Variants in KHDRBS2 observed in about 807,000 individuals in gnomAD.
The protein encoded by KHDRBS2 is KH RNA binding domain containing, signal transduction associated 2.
In KHDRBS2, 26 loss-of-function variants were observed where a neutral mutation model predicts 44.3. That is an observed-to-expected ratio of 0.59 (90% CI 0.43 to 0.81). The LOEUF is 0.81. Among genes scored for constraint, KHDRBS2 ranks in the 40% least tolerant of loss-of-function variants. The pLI is 0.00. For synonymous variants in KHDRBS2, 194 were observed against 151.1 expected (o/e 1.28, Z -2.08); for missense variants, 476 against 433.1 (o/e 1.10, Z -0.88).
At chr6:61,649,240 G>C in the KHDRBS2 span, among the ~76,000 whole-genome samples, 1 of 152,146 alleles carries the variant, frequency 6.6e-6, no homozygotes, top group Non-Finnish European at 1.5e-5. Context: ...CCAAAAGGCA[G>C]TAGTGGCTTG....
chr6:61,874,633 AAAAGCACCTATCT>A (rs1799149139), intron 6 of KHDRBS2, among the ~76,000 whole-genome samples: 1 of 152,222 alleles, frequency 6.6e-6, no homozygotes, highest in Admixed American at 6.5e-5. Flanking sequence ...AGGTAATGAG[AAAAGCACCTATCT>A]AAATGTGTCT....
chr6:61,745,058 T>G (rs1776671466), intron 6 of KHDRBS2, among the ~76,000 whole-genome samples: 2 of 152,150 alleles, frequency 1.3e-5, no homozygotes, highest in Admixed American at 6.6e-5. Flanking sequence ...AGTAGGTGAC[T>G]CTTAATCATG....
At chr6:61,655,415 A>G in the KHDRBS2 span, among the ~76,000 whole-genome samples, 26 of 151,960 alleles carry the variant, frequency 1.7e-4, no homozygotes, top group African/African-American at 5.5e-4. Context: ...CACCACATCC[A>G]GCTAATTTTT....
chr6:61,744,146 T>G lies in KHDRBS2; in HGVS notation c.811-11382A>C, dbSNP rs182484428. Among the ~76,000 whole-genome samples the G allele has an allele frequency of 2.0e-5, 3 of 152,198 alleles. No homozygotes were observed. The East Asian group carries it at 5.8e-4, about 29-fold the overall frequency. ...GCATATCTGAGATTTTAATATACTT[T>G]AAGTTAATAAGCTAGTCTATTATTG... On this transcript the variant is annotated intron_variant, in intron 6 of 8. Coordinates refer to ENST00000281156, the MANE Select transcript of KHDRBS2 (RefSeq NM_152688.4).
At position 61,820,920 on chromosome 6, in the gene KHDRBS2, G is replaced by C. The variant is rs542780806; in HGVS notation, c.810+73715C>G. ...CTACCTGGATAGCCATATACGTGTGGCACCCTTTCCTTTTATGTTTCTTAC... is the reference window on the plus strand; with the variant it reads ...CTACCTGGATAGCCATATACGTGTGCCACCCTTTCCTTTTATGTTTCTTAC... On this transcript the variant is annotated intron_variant, in intron 6 of 8. Coordinates refer to ENST00000281156, the MANE Select transcript of KHDRBS2 (RefSeq NM_152688.4). 1.4e-4 allele frequency among the ~76,000 whole-genome samples: 22 copies of C among 152,092 alleles called. No individual in the cohort carries two copies. In the South Asian group the frequency reaches 4.3e-3, roughly 30 times the overall value.
Position 62,194,480 on chromosome 6 carries a change from C to CTTTTTTTTTTTTT in KHDRBS2, c.92-17181_92-17169dup, listed in dbSNP as rs70996208. Among the ~76,000 whole-genome samples the CTTTTTTTTTTTTT allele has an allele frequency of 4.3e-4, 30 of 69,770 alleles. 3 individuals carry two copies. Among genetic ancestry groups the CTTTTTTTTTTTTT allele is most frequent in the Non-Finnish European group, 6.3e-4 (25 of 39,778 alleles). 45.8% of individuals were successfully genotyped at this position (69,770 alleles called of 152,430 possible). ...CACTTTCTTTTCTTTTCTTTTCTTC[C>CTTTTTTTTTTTTT]TTTTTTTTTTTTTTTTTTTTTTTTT... is the stretch of plus-strand genomic sequence containing the variant. On this transcript the variant is annotated intron_variant, in intron 1 of 8. Transcript: ENST00000281156.
At chr6:61,578,951 A>C in the KHDRBS2 span, among the ~76,000 whole-genome samples, 3 of 152,150 alleles carry the variant, frequency 2.0e-5, no homozygotes, top group African/African-American at 7.2e-5. Flanking sequence ...CCCAGGAGGA[A>C]GTTTGGTAAT....
downstream of KHDRBS2, among the ~76,000 whole-genome samples, chr6:61,675,346 A>G (rs1246516046): frequency 4.6e-5 from 7 of 151,780 alleles, no homozygotes. Flanking sequence ...AACTTTATTT[A>G]AAAACTGTTA....
intron 1 of KHDRBS2, among the ~76,000 whole-genome samples, chr6:62,227,578 G>A (rs1324405652): frequency 6.6e-6 from 1 of 152,194 alleles, no homozygotes; most frequent in Non-Finnish European, 1.5e-5. Flanking sequence ...GGAGCAGTAA[G>A]AGACAGCATC....
chr6:62,079,441 T>C (rs532231428), intron 2 of KHDRBS2, among the ~76,000 whole-genome samples: 37 of 151,978 alleles, frequency 2.4e-4, no homozygotes, highest in Admixed American at 8.5e-4. Context: ...ATTAAAAAAA[T>C]TAAAATATAT....
chr6:62,248,693 T>C (rs1836029144), intron 1 of KHDRBS2, among the ~76,000 whole-genome samples: 1 of 152,098 alleles, frequency 6.6e-6, no homozygotes, highest in South Asian at 2.1e-4. Flanking sequence ...ATGAGGGCAT[T>C]GTATCTTCAT....
intron 7 of KHDRBS2, among the ~76,000 whole-genome samples, chr6:61,726,878 A>G (rs1238578907): frequency 6.6e-6 from 1 of 152,146 alleles, no homozygotes; most frequent in Non-Finnish European, 1.5e-5. Context: ...TACTATTCCC[A>G]TTAAAACTAC....
chr6:61,566,215 A>G, the KHDRBS2 span, among the ~76,000 whole-genome samples: 1 of 152,148 alleles, frequency 6.6e-6, no homozygotes, highest in Non-Finnish European at 1.5e-5. Context: ...GAATAGAATG[A>G]TGGTTACCAG....
the KHDRBS2 span, among the ~76,000 whole-genome samples, chr6:61,601,383 C>A: frequency 4.6e-5 from 7 of 152,080 alleles, no homozygotes; most frequent in Admixed American, 4.6e-4. Context: ...GAACTTAAAA[C>A]CTCTTCAACT....
In KHDRBS2 at chr6:61,822,733, T is replaced by C. The variant is rs553658187; in HGVS notation, c.810+71902A>G. Among the ~76,000 whole-genome samples, 122 of 152,148 alleles carry C rather than the reference T, an allele frequency of 8.0e-4. 1 individual carries two copies. The highest frequency in any genetic ancestry group is 3.4e-3 in the Middle Eastern group (1 of 294). ...TCAGTTCTCTGCACTATGTCAGCAA[T>C]GTAGTCTTACAAACAAGCTCTCTCC... On this transcript the variant is annotated intron_variant, in intron 6 of 8. Coordinates refer to ENST00000281156, the MANE Select transcript of KHDRBS2 (RefSeq NM_152688.4).
chr6:61,918,061 G>C lies in KHDRBS2; in HGVS notation c.484-16690C>G, dbSNP rs74930258. ...TTATGGCGCATCGGCGAATGATGAA[G>C]TATTGGAGGATTATTACCCCATTTA... On this transcript the variant is annotated intron_variant, in intron 4 of 8. Transcript: ENST00000281156. Among the ~76,000 whole-genome samples, 818 of 152,054 alleles carry C rather than the reference G, an allele frequency of 5.4e-3. 9 individuals are homozygous for C. Among genetic ancestry groups the C allele is most frequent in the African/African-American group, 0.018 (753 of 41,530 alleles).
intron 2 of KHDRBS2, among the ~76,000 whole-genome samples, chr6:62,069,749 G>T (rs552143539): frequency 6.2e-4 from 94 of 151,814 alleles, no homozygotes; most frequent in South Asian, 4.1e-3. Flanking sequence ...ATTACAATAG[G>T]ATAGTTTGTA....
the KHDRBS2 span, among the ~76,000 whole-genome samples, chr6:61,562,558 A>G: frequency 2.6e-5 from 4 of 152,144 alleles, no homozygotes; most frequent in Non-Finnish European, 4.4e-5. Flanking sequence ...TGAAATGTAT[A>G]TAAATCCTTT....
At chr6:61,750,621 T>C (rs1365133860) in intron 6 of KHDRBS2, among the ~76,000 whole-genome samples, 1 of 152,180 alleles carries the variant, frequency 6.6e-6, no homozygotes, top group Admixed American at 6.5e-5. Flanking sequence ...ACCAACCAAG[T>C]GTCTTTAGAC....
Sources: allele counts gnomAD v4.1 joint callset (sites outside exome capture counted in the v4.1 genomes callset), GRCh38; gene constraint gnomAD v4.1.1; transcripts MANE v1.5; gene names NCBI Gene and HGNC (gene_info 2026-07-23, HGNC 2026-07-21).